MKKS: variants seen among roughly 807,000 people sequenced by gnomAD.
MKKS encodes MKKS centrosomal shuttling protein.
MKKS carries 29 observed loss-of-function variants against 33.2 expected under a neutral mutation model. The observed-to-expected ratio is 0.87, with a 90% CI of 0.65 to 1.19. MKKS has a LOEUF of 1.19. Among genes scored for constraint, MKKS ranks in the 50% most tolerant of loss-of-function variants. The pLI is 0.00. For synonymous variants in MKKS, 260 were observed against 244.0 expected, an observed-to-expected ratio of 1.07 and a Z score of -0.61; for missense variants, 661 against 662.3, an observed-to-expected ratio of 1.00 and a Z score of 0.02.
intron 1 of MKKS, among the ~76,000 whole-genome samples, chr20:10,433,829 G>A (rs920647796): frequency 6.6e-6 from 1 of 152,152 alleles, no homozygotes; most frequent in African/African-American, 2.4e-5. Flanking sequence ...GTGGGAGCGT[G>A]GTGAGGCGCC....
At chr20:10,416,230 G>A (rs948911379) in intron 2 of MKKS, among the ~76,000 whole-genome samples, 3 of 152,056 alleles carry the variant, frequency 2.0e-5, no homozygotes, top group African/African-American at 7.2e-5. Flanking sequence ...AAATTAAGAG[G>A]TGCACTATAA....
At chr20:10,432,692 G>A (rs1326999902) in intron 1 of MKKS, among the ~76,000 whole-genome samples, 2 of 149,316 alleles carry the variant, frequency 1.3e-5, no homozygotes, top group Non-Finnish European at 3.0e-5. Context: ...CTTCTCCGGA[G>A]GCTAAGGCAG....
At chr20:10,414,587 T>G (rs115658596) in intron 2 of MKKS, among the ~76,000 whole-genome samples, 1 of 152,124 alleles carries the variant, frequency 6.6e-6, no homozygotes, top group Non-Finnish European at 1.5e-5. Flanking sequence ...TTAAAAGAAG[T>G]CCCAAATATC....
intron 3 of MKKS, among the ~76,000 whole-genome samples, chr20:10,409,709 A>T (rs1451730483): frequency 6.6e-6 from 1 of 152,104 alleles, no homozygotes. Flanking sequence ...GTAGTGGCTC[A>T]TGCCTGTAAT....
At chr20:10,405,787 ATTAC>A in intron 5 of MKKS, 100 bp from the exon 6 acceptor site, 3 of 1,153,988 alleles carry the variant, frequency 2.6e-6, no homozygotes, top group Non-Finnish European at 3.8e-6. Flanking sequence ...TCCTAAAGTA[ATTAC>A]TTACTTTCAT....
intron 1 of MKKS, among the ~76,000 whole-genome samples, chr20:10,421,938 T>C (rs956726225): frequency 5.3e-5 from 8 of 152,206 alleles, no homozygotes; most frequent in South Asian, 2.1e-4. Context: ...AGACATGCTA[T>C]GAACTTGGCT....
At chr20:10,418,070 A>T (rs1400657985) in intron 2 of MKKS, among the ~76,000 whole-genome samples, 3 of 152,240 alleles carry the variant, frequency 2.0e-5, no homozygotes, top group Admixed American at 1.3e-4. Flanking sequence ...TGGGTATCAA[A>T]TTGTAGGTAA....
At chr20:10,426,337 T>C (rs1289621240) in intron 1 of MKKS, among the ~76,000 whole-genome samples, 1 of 152,168 alleles carries the variant, frequency 6.6e-6, no homozygotes, top group Non-Finnish European at 1.5e-5. Context: ...AGGGGAACAT[T>C]TGGAGGGCGT....
chr20:10,409,509 G>A (rs6131087), intron 3 of MKKS, among the ~76,000 whole-genome samples: 2 of 152,076 alleles, frequency 1.3e-5, no homozygotes, highest in African/African-American at 2.4e-5. Context: ...ATCTCCAAAC[G>A]TAATGGAAGT....
At chr20:10,407,553 A>C in intron 5 of MKKS, 63 bp downstream of exon 5, 1 of 1,411,794 alleles carries the variant, frequency 7.1e-7, no homozygotes, top group Non-Finnish European at 9.9e-7. Flanking sequence ...ATTTTGGCTT[A>C]TTATCTCAGA....
intron 3 of MKKS, 120 bp downstream of exon 3, chr20:10,412,410 T>C (rs953192662): frequency 2.3e-5 from 22 of 970,846 alleles, no homozygotes; most frequent in African/African-American, 1.6e-5. Flanking sequence ...CCAGAAATGA[T>C]ACTGACACAT....
chr20:10,429,957 A>G (rs906863896), intron 1 of MKKS, among the ~76,000 whole-genome samples: 1 of 152,188 alleles, frequency 6.6e-6, no homozygotes. Context: ...CTGAAGCTAA[A>G]GTTTGAGACC....
intron 2 of MKKS, among the ~76,000 whole-genome samples, chr20:10,418,427 T>C (rs1279478968): frequency 6.6e-6 from 1 of 152,144 alleles, no homozygotes; most frequent in Non-Finnish European, 1.5e-5. Context: ...AAAATAAGAA[T>C]AGAAAATAAG....
chr20:10,423,187 C>T (rs988452542), intron 1 of MKKS, among the ~76,000 whole-genome samples: 3 of 152,010 alleles, frequency 2.0e-5, no homozygotes, highest in African/African-American at 7.2e-5. Context: ...AAGTGTAATC[C>T]TAACACTTCG....
rs2064823572 is a variant in MKKS, at chr20:10,403,727, G to A, written c.*1520C>T. Reference sequence around the variant, plus strand: ...AAGTCTAGCCCATGCTCAAGGGGAGGAAATTATGCAAGGTCTGAAACTAGG... The same window carrying A: ...AAGTCTAGCCCATGCTCAAGGGGAGAAAATTATGCAAGGTCTGAAACTAGG... On this transcript the variant is annotated 3_prime_UTR_variant, in exon 6 of 6. Coordinates refer to ENST00000347364, the MANE Select transcript of MKKS (RefSeq NM_170784.3). 6.6e-6 allele frequency: 1 copy of A among 151,954 alleles called. No individual in the cohort carries two copies. The highest frequency in any genetic ancestry group is 2.4e-5 in the African/African-American group (1 of 41,380). The allele number at this position is 151,954 out of a possible 1,614,324, so 9.4% of individuals were successfully genotyped here. A position where few individuals can be genotyped will look rare whatever the true frequency, so the allele number is the denominator to read the frequency against.
At chr20:10,431,121 A>T (rs910878978) in intron 1 of MKKS, among the ~76,000 whole-genome samples, 12 of 152,176 alleles carry the variant, frequency 7.9e-5, no homozygotes, top group Non-Finnish European at 1.6e-4. Context: ...CACGGCAGCC[A>T]TTACTTTTAT....
chr20:10,428,566 C>T (rs902508387), intron 1 of MKKS, among the ~76,000 whole-genome samples: 7 of 152,144 alleles, frequency 4.6e-5, no homozygotes, highest in Non-Finnish European at 7.3e-5. Context: ...CAGCTGGGCG[C>T]GGTGGCTCAC....
chr20:10,424,918 T>G (rs2065005084), intron 1 of MKKS, among the ~76,000 whole-genome samples: 1 of 151,970 alleles, frequency 6.6e-6, no homozygotes. Context: ...GCTGGTGTGG[T>G]GGCAGGCGCC....
chr20:10,427,267 T>G (rs974510523), intron 1 of MKKS, among the ~76,000 whole-genome samples: 2 of 152,240 alleles, frequency 1.3e-5, no homozygotes, highest in African/African-American at 4.8e-5. Flanking sequence ...GTTCTCATTT[T>G]GCCTATTGGG....
Sources: allele counts gnomAD v4.1 joint callset (sites outside exome capture counted in the v4.1 genomes callset), GRCh38; gene constraint gnomAD v4.1.1; transcripts MANE v1.5; gene names NCBI Gene and HGNC (gene_info 2026-07-23, HGNC 2026-07-21).